Variants in MAP3K12 observed in about 807,000 individuals in gnomAD.
MAP3K12 encodes mitogen-activated protein kinase kinase kinase 12.
In MAP3K12, 14 loss-of-function variants were observed where a neutral mutation model predicts 87.5. That is an observed-to-expected ratio of 0.16 (90% confidence interval 0.11 to 0.25). The LOEUF is 0.25. Ranked by LOEUF, MAP3K12 falls within the 10% of genes least tolerant of loss-of-function variation. MAP3K12 has a pLI of 1.00. For synonymous variants in MAP3K12, 469 were observed against 452.5 expected, an observed-to-expected ratio of 1.04 and a Z score of -0.46; for missense variants, 802 against 1,140.4, an observed-to-expected ratio of 0.70 and a Z score of 4.27.
At chr12:53,484,788 C>T (rs1282003763) in intron 6 of MAP3K12, 5 of 520,422 alleles carry the variant, frequency 9.6e-6, no homozygotes, top group Admixed American at 6.8e-5. Flanking sequence ...GCTGCTCCTT[C>T]CTTGTACTTG....
At chr12:53,492,747 A>G (rs934143361) in intron 1 of MAP3K12, among the ~76,000 whole-genome samples, 1 of 149,098 alleles carries the variant, frequency 6.7e-6, no homozygotes, top group African/African-American at 2.5e-5. Context: ...CTGCCCCCCA[A>G]CCTCCCTCCC....
At chr12:53,490,916 A>G (rs79514171) in intron 1 of MAP3K12, among the ~76,000 whole-genome samples, 47 of 152,190 alleles carry the variant, frequency 3.1e-4, no homozygotes, top group African/African-American at 1.0e-3. Flanking sequence ...GTCACAAAAG[A>G]AAAAACAACC....
intron 1 of MAP3K12, chr12:53,487,823 A>G (rs988967582): frequency 1.1e-5 from 2 of 175,446 alleles, no homozygotes; most frequent in Admixed American, 5.5e-5. Flanking sequence ...CGAGACTCAC[A>G]GGCACACACA....
rs1345752677 is a variant in MAP3K12, at chr12:53,482,315, G to C, written c.2293C>G (p.Leu765Val). The C allele has an allele frequency of 3.1e-6, 5 of 1,613,974 alleles. No homozygotes were observed. Among genetic ancestry groups the C allele is most frequent in the East Asian group, 2.2e-5 (1 of 44,884 alleles). The change falls in exon 12 of 14, where the codon CTG becomes GTG. Residue 765 changes from leucine (L) to valine (V), a missense_variant. Coordinates refer to ENST00000547488, the MANE Select transcript of MAP3K12 (RefSeq NM_001193511.2). ...EEGEVDSEVELTSSQRWPQSL... is the reference protein window; with the variant it reads ...EEGEVDSEVEVTSSQRWPQSL... ...ATCACTTACCTCTGGCTTGATGTCAGCTCTACTTCACTGTCTACCTCTCCT... is the reference window on the plus strand; with the variant it reads ...ATCACTTACCTCTGGCTTGATGTCACCTCTACTTCACTGTCTACCTCTCCT...
chr12:53,493,530 C>T (rs1470119477), intron 1 of MAP3K12, among the ~76,000 whole-genome samples: 1 of 152,114 alleles, frequency 6.6e-6, no homozygotes, highest in African/African-American at 2.4e-5. Context: ...GAGACATATA[C>T]AGACACCGGA....
chr12:53,491,314 A>G (rs1209247890), intron 1 of MAP3K12, among the ~76,000 whole-genome samples: 1 of 148,878 alleles, frequency 6.7e-6, no homozygotes, highest in Non-Finnish European at 1.5e-5. Context: ...AAGAAAAGAA[A>G]AGAAAAACAG....
intron 1 of MAP3K12, among the ~76,000 whole-genome samples, chr12:53,495,724 G>T (rs1943536178): frequency 6.6e-6 from 1 of 151,996 alleles, no homozygotes; most frequent in Non-Finnish European, 1.5e-5. Flanking sequence ...AGGATCCGCA[G>T]TCCTGGCCCC....
intron 11 of MAP3K12, 23 bp from the exon 12 acceptor site, chr12:53,482,392 G>C: frequency 6.2e-7 from 1 of 1,613,100 alleles, no homozygotes; most frequent in Non-Finnish European, 8.5e-7. Flanking sequence ...TGGGGTGGGG[G>C]GGGTCTGATT....
In MAP3K12 at chr12:53,486,178, C is replaced by T. The variant is rs1565886982; in HGVS notation, c.699G>A (p.Glu233=). ...MEFCAQGQLY[E]VLRAGRPVTP... Reference sequence around the variant, plus strand: ...TGACAGGGCGGCCAGCCCGCAGTACCTCATACAGCTGGCCCTGGGCGCAGA... The same window carrying T: ...TGACAGGGCGGCCAGCCCGCAGTACTTCATACAGCTGGCCCTGGGCGCAGA... The change falls in exon 4 of 14, where the codon GAG becomes GAA. Residue 233 remains glutamate (E), a synonymous_variant. Coordinates refer to ENST00000547488, the MANE Select transcript of MAP3K12 (RefSeq NM_001193511.2). This position sits in a 1 kb window ranked among gnomAD's most constrained non-coding sequence, Gnocchi z 4.9. The T allele has an allele frequency of 2.5e-6, 4 of 1,614,156 alleles. No individual in the cohort carries two copies. Among genetic ancestry groups the T allele is most frequent in the South Asian group, 1.1e-5 (1 of 91,080 alleles).
chr12:53,482,188 C>T lies in MAP3K12; in HGVS notation c.2333G>A (p.Arg778His), dbSNP rs149876591. The change falls in exon 13 of 14, where the codon CGC becomes CAC. Residue 778 changes from arginine to histidine, a missense_variant. This residue lies in a region of MAP3K12 where 490 missense variants were observed against 496.6 expected (regional missense o/e 0.99). Transcript: ENST00000547488. ...SQRWPQSLNM[R>H]QSLSTFSSEN... ...TGAGCTGAAGGTAGATAGTGACTGG[C>T]GCATGTTCAGGCTCTGAGGCCACCT... 1.3e-4 allele frequency: 205 copies of T among 1,614,040 alleles called. No homozygotes were observed. Among genetic ancestry groups the T allele is most frequent in the Admixed American group, 1.8e-4 (11 of 60,002 alleles).
chr12:53,482,578 ACGG>A lies in MAP3K12; in HGVS notation c.2222_2224del (p.Ala741del). The A allele has an allele frequency of 6.2e-7, 1 of 1,604,876 alleles. No homozygotes were observed. The highest frequency in any genetic ancestry group is 8.5e-7 in the Non-Finnish European group (1 of 1,175,706). The stretch of plus-strand genomic sequence containing the variant: ...CCCATACTTTACCTGACTTCGGGTG[ACGG>A]CAGCCCTGTACAGCAGTGCAGCTGG... On this transcript the variant is annotated inframe_deletion, in exon 11 of 14. Transcript: ENST00000547488.
intron 1 of MAP3K12, among the ~76,000 whole-genome samples, chr12:53,495,374 GCGCAGTTGCTCA>G (rs1378516958): frequency 3.6e-5 from 5 of 137,268 alleles, no homozygotes; most frequent in Non-Finnish European, 6.3e-5. Context: ...AAAAGGCCAG[GCGCAGTTGCTCA>G]CGCCTGTAAT....
chr12:53,484,526 CTA>C, intron 6 of MAP3K12, 161 bp from the exon 7 acceptor site: 1 of 610,136 alleles, frequency 1.6e-6, no homozygotes, highest in Admixed American at 2.8e-5. Flanking sequence ...ATATTACACA[CTA>C]TTCATTAGTG....
At chr12:53,501,422 A>G (rs775401324), upstream of MAP3K12, 1 of 1,567,194 alleles carries the variant, frequency 6.4e-7, no homozygotes, top group Non-Finnish European at 8.7e-7. Context: ...AGTGAAGAGG[A>G]GCAAGGCTCC....
chr12:53,481,121 A>ATG lies in MAP3K12; in HGVS notation c.*60_*61insCA. On this transcript the variant is annotated 3_prime_UTR_variant, in exon 14 of 14. Coordinates refer to ENST00000547488, the MANE Select transcript of MAP3K12 (RefSeq NM_001193511.2). ...GATTATGTGGCGCATATATATATAT[A>ATG]TATGTATATATATATAATTTATATA... The ATG allele has an allele frequency of 3.3e-6, 2 of 612,632 alleles. No homozygotes were observed. Among genetic ancestry groups the ATG allele is most frequent in the Non-Finnish European group, 4.5e-6 (2 of 449,094 alleles). 37.9% of individuals were successfully genotyped at this position (612,632 alleles called of 1,614,324 possible). A position where few individuals can be genotyped will look rare whatever the true frequency, so the allele number is the denominator to read the frequency against.
At chr12:53,496,423 T>G (rs979022005) in intron 1 of MAP3K12, among the ~76,000 whole-genome samples, 5 of 152,164 alleles carry the variant, frequency 3.3e-5, no homozygotes, top group South Asian at 2.1e-4. Context: ...ACTGCTAAGA[T>G]CCTCCCTTTG....
chr12:53,484,139 G>A, intron 7 of MAP3K12, 118 bp downstream of exon 7: 4 of 1,354,168 alleles, frequency 3.0e-6, no homozygotes, highest in South Asian at 2.4e-5. Flanking sequence ...GATTGACTCA[G>A]CCCTCTAAGA....
chr12:53,487,212 C>T lies in MAP3K12; in HGVS notation c.180G>A (p.Gly60=), dbSNP rs777786309. 6.2e-7 allele frequency: 1 copy of T among 1,613,214 alleles called. No individual in the cohort carries two copies. Among genetic ancestry groups the T allele is most frequent in the Non-Finnish European group, 8.5e-7 (1 of 1,179,616 alleles). ...CACCTGGGGAGGGGCTGGGCCCTCCCCCACCCTGCCCACCAAGGGGTACCA... is the reference window on the plus strand; with the variant it reads ...CACCTGGGGAGGGGCTGGGCCCTCCTCCACCCTGCCCACCAAGGGGTACCA... ...RDVVPLGGQG[G]GGPSPSPGGE... is the part of the protein sequence containing the mutation. The change falls in exon 2 of 14, where the codon GGG becomes GGA. Residue 60 remains glycine, a synonymous_variant. Coordinates refer to ENST00000547488, the MANE Select transcript of MAP3K12 (RefSeq NM_001193511.2).
At chr12:53,481,348 G>C in intron 13 of MAP3K12, 68 bp from the exon 14 acceptor site, 1 of 826,318 alleles carries the variant, frequency 1.2e-6, no homozygotes, top group South Asian at 2.3e-5. Context: ...TTAATAGCCA[G>C]TGGCTTACTG....
Sources: gnomAD v4.1 joint callset for allele counts (sites outside exome capture counted in the v4.1 genomes callset) on GRCh38, gnomAD v4.1.1 for gene constraint, gnomAD v4.1.1 regional missense constraint, Gnocchi (gnomAD v3.1) non-coding constraint, MANE v1.5 for transcripts, NCBI Gene and HGNC (gene_info 2026-07-23, HGNC 2026-07-21) for gene names.